The following ARFGEF2 variants were observed in gnomAD, a reference collection of about 807,000 sequenced individuals.
ARFGEF2 encodes brefeldin A-inhibited guanine nucleotide-exchange protein 2.
ARFGEF2 carries 74 observed loss-of-function variants against 219.9 expected under a neutral mutation model. The ratio of observed to expected loss-of-function variants is 0.34; its 90% CI spans 0.28 to 0.41. The LOEUF (loss-of-function observed/expected upper bound fraction) is 0.41. Ranked by LOEUF, ARFGEF2 falls within the 10% of genes least tolerant of loss-of-function variation. The pLI is 1.00. For missense variants in ARFGEF2, 1,743 were observed against 2,218.3 expected, an observed-to-expected ratio of 0.79 and a Z score of 4.30; for synonymous variants, 733 against 799.2, an observed-to-expected ratio of 0.92 and a Z score of 1.40.
intron 3 of ARFGEF2, 114 bp downstream of exon 3, chr20:48,942,101 A>G (rs1223202321): frequency 1.3e-5 from 17 of 1,344,822 alleles, no homozygotes; most frequent in Admixed American, 3.8e-5. Flanking sequence ...GAGGCGATGC[A>G]GAAAGGAGCA....
In ARFGEF2 at chr20:48,969,223, G is replaced by C; in HGVS notation, c.1136G>C (p.Arg379Pro). 6.2e-7 allele frequency: 1 copy of C among 1,614,120 alleles called. No homozygotes were observed. Among genetic ancestry groups the C allele is most frequent in the Non-Finnish European group, 8.5e-7 (1 of 1,180,014 alleles). The change falls in exon 9 of 39, where the codon CGC (arginine) becomes CCC (proline). Residue 379 changes from arginine (R) to proline (P), a missense_variant. By Grantham distance (103) the Arg-to-Pro change is moderately radical (BLOSUM62 -2). Transcript: ENST00000371917. ...VLQKDAFLVF[R>P]SLCKLSMKPL... ...CAGAAGGATGCCTTCCTTGTGTTCC[G>C]CTCCCTGTGCAAGCTGTCCATGAAA... is the stretch of plus-strand genomic sequence containing the variant.
intron 21 of ARFGEF2, among the ~76,000 whole-genome samples, chr20:48,992,344 C>CT (rs1194630968): frequency 1.3e-5 from 2 of 151,998 alleles, no homozygotes; most frequent in Non-Finnish European, 2.9e-5. Context: ...ACATGTATTA[C>CT]TTTTTTGTTT....
At chr20:48,949,872 G>A (rs2091054143) in intron 3 of ARFGEF2, among the ~76,000 whole-genome samples, 1 of 152,134 alleles carries the variant, frequency 6.6e-6, no homozygotes, top group African/African-American at 2.4e-5. Flanking sequence ...TGGAGGCAGA[G>A]AATGCCTTAG....
chr20:48,959,423 C>CTTT (rs2091126251), intron 6 of ARFGEF2, among the ~76,000 whole-genome samples: 1 of 133,090 alleles, frequency 7.5e-6, no homozygotes, highest in African/African-American at 2.8e-5. Context: ...CTCCCTCCCT[C>CTTT]CCTTCTTCCT....
In ARFGEF2 at chr20:49,012,689, C is replaced by A. The variant is rs181091247; in HGVS notation, c.3918+605C>A. Among the ~76,000 whole-genome samples the A allele has an allele frequency of 1.5e-4, 23 of 152,194 alleles. No individual in the cohort carries two copies. In the East Asian group the frequency reaches 4.2e-3, roughly 28 times the overall value. On this transcript the variant is annotated intron_variant, in intron 28 of 38. Coordinates refer to ENST00000371917, the MANE Select transcript of ARFGEF2 (RefSeq NM_006420.3). The stretch of plus-strand genomic sequence containing the variant: ...ACCTGTAAGGTGATATGTCTCATCT[C>A]TTACAACAGCTCACTAAGATGTGAT...
chr20:49,006,933 G>A (rs1176400321), intron 26 of ARFGEF2, among the ~76,000 whole-genome samples: 1 of 151,974 alleles, frequency 6.6e-6, no homozygotes, highest in East Asian at 1.9e-4. Context: ...GCCCACCTGG[G>A]CCTCCCAAAG....
chr20:49,020,566 C>T (rs886859784), intron 34 of ARFGEF2, among the ~76,000 whole-genome samples: 2 of 152,186 alleles, frequency 1.3e-5, no homozygotes, highest in African/African-American at 4.8e-5. Flanking sequence ...CTGCCTCAGG[C>T]TCCTGAGTAG....
chr20:48,922,860 A>G (rs1390059782), intron 1 of ARFGEF2, among the ~76,000 whole-genome samples: 1 of 152,260 alleles, frequency 6.6e-6, no homozygotes, highest in Non-Finnish European at 1.5e-5. Context: ...GGGGAACAAG[A>G]CGGACATGGT....
intron 6 of ARFGEF2, among the ~76,000 whole-genome samples, chr20:48,954,993 T>G (rs1174888789): frequency 6.6e-6 from 1 of 152,226 alleles, no homozygotes; most frequent in African/African-American, 2.4e-5. Flanking sequence ...GCTGTGCAGA[T>G]ATAAAACCAA....
chr20:48,994,637 G>A (rs1367671365), intron 22 of ARFGEF2, 39 bp downstream of exon 22: 1 of 1,610,346 alleles, frequency 6.2e-7, no homozygotes, highest in Admixed American at 1.7e-5. Flanking sequence ...TCACGGATTT[G>A]CAAGCTAACG....
rs996668481 is a variant in ARFGEF2 at position 49,008,746 on chromosome 20, C to T, written c.3585-1486C>T. ...TTTTTTTTGAGATGTCTTGCCCTGTCGCCCAGGCTGGAGTACAGTGGTGCA... is the reference window on the plus strand; with the variant it reads ...TTTTTTTTGAGATGTCTTGCCCTGTTGCCCAGGCTGGAGTACAGTGGTGCA... On this transcript the variant is annotated intron_variant, in intron 26 of 38. Transcript: ENST00000371917. Among the ~76,000 whole-genome samples the T allele has an allele frequency of 5.5e-5, 7 of 126,718 alleles. No homozygotes were observed. The South Asian group carries it at 1.0e-3, about 18-fold the overall frequency. 83.1% of individuals were successfully genotyped at this position (126,718 alleles called of 152,430 possible).
In ARFGEF2 at chr20:49,018,887, G is replaced by T; in HGVS notation, c.4513G>T (p.Val1505Leu). The change falls in exon 34 of 39, where the codon GTG (valine) becomes TTG (leucine). Residue 1505 changes from valine to leucine, a missense_variant. Val to Leu is a conservative substitution (Grantham distance 32). Around this residue, in one of 5 missense-constraint regions of ARFGEF2, gnomAD observed 578 missense variants for 664.0 expected, o/e 0.87. Transcript: ENST00000371917. ...TTTCCCTCTGGTTTACATTTAGGAT[G>T]TGGATCTGGACCGCCAGTCTTTAAG... ...EEDSSEKHLD[V>L]DLDRQSLSSI... The T allele has an allele frequency of 1.2e-6, 2 of 1,613,182 alleles. No homozygotes were observed. The highest frequency in any genetic ancestry group is 1.7e-6 in the Non-Finnish European group (2 of 1,179,232).
chr20:49,017,630 C>T, intron 33 of ARFGEF2, 80 bp downstream of exon 33: 1 of 1,467,232 alleles, frequency 6.8e-7, no homozygotes, highest in Non-Finnish European at 9.4e-7. Context: ...ATAGTTTGTA[C>T]TTTTTTTAAT....
At chr20:48,989,171 G>A in intron 18 of ARFGEF2, 114 bp from the exon 19 acceptor site, 1 of 1,205,716 alleles carries the variant, frequency 8.3e-7, no homozygotes, top group Non-Finnish European at 1.2e-6. Flanking sequence ...ATGGACTCAC[G>A]AGATGGTTGG....
intron 32 of ARFGEF2, 27 bp from the exon 33 acceptor site, chr20:49,017,468 TA>T: frequency 6.3e-7 from 1 of 1,579,250 alleles, no homozygotes; most frequent in South Asian, 1.1e-5. Context: ...TCACATTGAT[TA>T]TTTTTTTTCT....
At position 48,988,301 on chromosome 20, in the gene ARFGEF2, C is replaced by T. The variant is rs2091337912; in HGVS notation, c.2277-3C>T. 1 of 1,612,622 alleles carries T rather than the reference C, an allele frequency of 6.2e-7. No individual in the cohort carries two copies. Among genetic ancestry groups the T allele is most frequent in the East Asian group, 2.2e-5 (1 of 44,864 alleles). ...TATTGATGTCTCGAATTTTTTTCTC[C>T]AGGCAAACTCTGTTTGCTAGTGCTG... On this transcript the variant is annotated splice_region_variant and splice_polypyrimidine_tract_variant and intron_variant, in intron 16 of 38. Coordinates refer to ENST00000371917, the MANE Select transcript of ARFGEF2 (RefSeq NM_006420.3).
At chr20:48,981,799 A>G (rs1015961444) in intron 14 of ARFGEF2, among the ~76,000 whole-genome samples, 25 of 152,222 alleles carry the variant, frequency 1.6e-4, no homozygotes, top group African/African-American at 6.0e-4. Context: ...TGCATGCGTC[A>G]TGTAGTTCTC....
intron 1 of ARFGEF2, among the ~76,000 whole-genome samples, chr20:48,929,675 G>C (rs1328937872): frequency 6.6e-6 from 1 of 152,216 alleles, no homozygotes; most frequent in Non-Finnish European, 1.5e-5. Context: ...AATGATGAGT[G>C]AGAATTAAGT....
At chr20:48,936,454 G>T (rs562267796) in intron 1 of ARFGEF2, among the ~76,000 whole-genome samples, 2 of 151,968 alleles carry the variant, frequency 1.3e-5, no homozygotes, top group South Asian at 2.1e-4. Flanking sequence ...CTTCTCAGAC[G>T]GGGCGGCTGC....
Sources: gnomAD v4.1 joint callset for allele counts (sites outside exome capture counted in the v4.1 genomes callset) on GRCh38, gnomAD v4.1.1 for gene constraint, gnomAD v4.1.1 regional missense constraint, MANE v1.5 for transcripts, NCBI Gene and HGNC (gene_info 2026-07-23, HGNC 2026-07-21) for gene names.